DIP2B: variants seen among roughly 807,000 people sequenced by gnomAD.
DIP2B encodes DIP2 acetate--CoA ligase B (putative).
Under a neutral mutation model 198.0 loss-of-function variants are expected in DIP2B, and 76 were observed. The ratio of observed to expected loss-of-function variants is 0.38; its 90% CI spans 0.32 to 0.46. The LOEUF (loss-of-function observed/expected upper bound fraction) is 0.46. DIP2B is among the 20% of genes least tolerant of loss of function. The pLI is 0.99. For missense variants in DIP2B, 1,559 were observed against 1,978.4 expected, an observed-to-expected ratio of 0.79 and a Z score of 4.02; for synonymous variants, 701 against 739.1, an observed-to-expected ratio of 0.95 and a Z score of 0.84.
chr12:50,535,969 A>C (rs1367959353), intron 1 of DIP2B, among the ~76,000 whole-genome samples: 9 of 148,170 alleles, frequency 6.1e-5, no homozygotes, highest in African/African-American at 2.5e-5. Flanking sequence ...TGTTCTTGCG[A>C]TAGTTTACTG....
chr12:50,714,405 G>A lies in DIP2B; in HGVS notation c.2660G>A (p.Ser887Asn). ...TTTGTATTTTTCTAGGCGATCGATA[G>A]CATTCATCAAGTGGGGGTTTATTGT... ...WMSRVLQAID[S>N]IHQVGVYCLA... Residue 887 changes from serine (S) to asparagine (N), a missense_variant, in exon 23 of 38, where the codon AGC (serine) becomes AAC (asparagine). Transcript: ENST00000301180. The A allele has an allele frequency of 6.2e-7, 1 of 1,614,182 alleles. No homozygotes were observed. Among genetic ancestry groups the A allele is most frequent in the Non-Finnish European group, 8.5e-7 (1 of 1,180,030 alleles).
rs374989335 is a variant in DIP2B, at chr12:50,534,277, C to T, written c.100+29037C>T. ...CAAGTTTTAGCCAAATCCTTATTTTCTGGGAATTTATATTATGTATGTGTG... is the reference window on the plus strand; with the variant it reads ...CAAGTTTTAGCCAAATCCTTATTTTTTGGGAATTTATATTATGTATGTGTG... On this transcript the variant is annotated intron_variant, in intron 1 of 37. Coordinates refer to ENST00000301180, the MANE Select transcript of DIP2B (RefSeq NM_173602.3). Among the ~76,000 whole-genome samples, 8 of 151,390 alleles carry T rather than the reference C, an allele frequency of 5.3e-5. No homozygotes were observed. In the East Asian group the frequency reaches 1.5e-3, roughly 29 times the overall value.
chr12:50,512,650 A>G (rs1008792286), intron 1 of DIP2B, among the ~76,000 whole-genome samples: 1 of 152,136 alleles, frequency 6.6e-6, no homozygotes, highest in Non-Finnish European at 1.5e-5. Context: ...TGTACCATTT[A>G]TTAGCTCTGT....
At chr12:50,705,628 A>C (rs1939500626) in intron 20 of DIP2B, among the ~76,000 whole-genome samples, 1 of 152,266 alleles carries the variant, frequency 6.6e-6, no homozygotes, top group African/African-American at 2.4e-5. Flanking sequence ...TCCTACTGTG[A>C]ACGAAATGGA....
At chr12:50,633,396 A>G (rs898877312) in intron 2 of DIP2B, 4 of 152,202 alleles carry the variant, frequency 2.6e-5, no homozygotes, top group African/African-American at 9.7e-5. Flanking sequence ...GACCTGAGTA[A>G]CATGTCATTG....
chr12:50,611,880 T>C (rs1346308317), intron 1 of DIP2B, among the ~76,000 whole-genome samples: 3 of 152,136 alleles, frequency 2.0e-5, no homozygotes, highest in African/African-American at 7.2e-5. Context: ...TTTGTCTTTA[T>C]GTCTAGGTGC....
At chr12:50,686,010 A>G in intron 11 of DIP2B, 54 bp downstream of exon 11, 1 of 1,565,492 alleles carries the variant, frequency 6.4e-7, no homozygotes, top group Non-Finnish European at 8.7e-7. Flanking sequence ...GAGTGCTTTA[A>G]TTAGCTTTTT....
At chr12:50,741,661 T>A in intron 37 of DIP2B, 122 bp downstream of exon 37, 1 of 1,315,912 alleles carries the variant, frequency 7.6e-7, no homozygotes, top group Non-Finnish European at 1.0e-6. Context: ...ATGGGAGGAG[T>A]AAGGAAATAG....
chr12:50,668,250 G>A (rs1938790524), intron 4 of DIP2B, among the ~76,000 whole-genome samples: 1 of 152,160 alleles, frequency 6.6e-6, no homozygotes, highest in Non-Finnish European at 1.5e-5. Context: ...TAAGAATAGG[G>A]ACTATGTCTT....
intron 1 of DIP2B, among the ~76,000 whole-genome samples, chr12:50,527,340 A>G: frequency 6.6e-6 from 1 of 152,340 alleles, no homozygotes; most frequent in Non-Finnish European, 1.5e-5. Context: ...TACCCACGTT[A>G]TCTCAGGTCT....
In DIP2B at chr12:50,640,860, G is replaced by T. The variant is rs1050579222; in HGVS notation, c.301+8G>T. 2.5e-6 allele frequency: 4 copies of T among 1,610,874 alleles called. No individual in the cohort carries two copies. The highest frequency in any genetic ancestry group is 3.4e-6 in the Non-Finnish European group (4 of 1,178,742). ...ATGAACGATATCGATCAGGTGAGGA[G>T]AAGCTGCAGAATGGCCAGCTGAATC... On this transcript the variant is annotated splice_region_variant and intron_variant, in intron 3 of 37. Transcript: ENST00000301180.
chr12:50,511,985 C>G (rs2139340408), intron 1 of DIP2B, among the ~76,000 whole-genome samples: 1 of 146,540 alleles, frequency 6.8e-6, no homozygotes, highest in Middle Eastern at 3.6e-3. Context: ...GAGACAAGGT[C>G]TTACTATGTT....
chr12:50,704,327 C>T (rs1440155674), intron 20 of DIP2B, 107 bp downstream of exon 20: 4 of 1,008,022 alleles, frequency 4.0e-6, no homozygotes, highest in South Asian at 1.9e-5. Flanking sequence ...TACAGAACCA[C>T]TTCACTTATA....
intron 1 of DIP2B, among the ~76,000 whole-genome samples, chr12:50,509,424 A>G (rs1957995431): frequency 1.3e-5 from 2 of 152,242 alleles, no homozygotes; most frequent in Non-Finnish European, 2.9e-5. Context: ...GAACAGTCCA[A>G]AGATGACAAC....
At chr12:50,621,770 G>C (rs143582836) in intron 1 of DIP2B, among the ~76,000 whole-genome samples, 3 of 152,168 alleles carry the variant, frequency 2.0e-5, no homozygotes, top group Non-Finnish European at 4.4e-5. Context: ...AAAACGGGGA[G>C]GGGGAGCATT....
chr12:50,579,814 G>T (rs1473302807), intron 1 of DIP2B, among the ~76,000 whole-genome samples: 1 of 149,766 alleles, frequency 6.7e-6, no homozygotes, highest in Admixed American at 6.7e-5. Flanking sequence ...AGTCATTTCT[G>T]ACTCAACTGT....
intron 1 of DIP2B, among the ~76,000 whole-genome samples, chr12:50,518,574 G>T (rs914809108): frequency 7.9e-5 from 12 of 152,172 alleles, no homozygotes. Flanking sequence ...TGCAGTTTCT[G>T]TACAGTGTGC....
chr12:50,675,511 G>A, intron 7 of DIP2B, 63 bp downstream of exon 7: 1 of 1,510,690 alleles, frequency 6.6e-7, no homozygotes, highest in Non-Finnish European at 9.0e-7. Context: ...CAGTTACTAT[G>A]TGTTAGGTAC....
At chr12:50,669,823 A>G (rs1938818528) in intron 4 of DIP2B, among the ~76,000 whole-genome samples, 1 of 152,208 alleles carries the variant, frequency 6.6e-6, no homozygotes, top group South Asian at 2.1e-4. Flanking sequence ...AGGTGCCAGC[A>G]GTTTTCCAGC....
Sources: allele counts gnomAD v4.1 joint callset (sites outside exome capture counted in the v4.1 genomes callset), GRCh38; gene constraint gnomAD v4.1.1; transcripts MANE v1.5; gene names NCBI Gene and HGNC (gene_info 2026-07-23, HGNC 2026-07-21).